SCRG1: variants seen among roughly 807,000 people sequenced by gnomAD.
The protein encoded by SCRG1 is scrapie-responsive protein 1.
A neutral mutation model predicts 7.7 loss-of-function variants in SCRG1; 3 were observed. That is an observed-to-expected ratio of 0.39 (90% CI 0.18 to 1.01). The LOEUF (loss-of-function observed/expected upper bound fraction) is 1.01. Ranked by LOEUF, SCRG1 falls within the 50% of genes least tolerant of loss-of-function variation. The pLI, the probability that SCRG1 is intolerant of heterozygous loss-of-function variation, is 0.36. For missense variants in SCRG1, 110 were observed against 117.2 expected (o/e 0.94, Z 0.28); for synonymous variants, 46 against 41.2 (o/e 1.12, Z -0.44).
the SCRG1 span, among the ~76,000 whole-genome samples, chr4:173,479,435 G>GTTTTTTTTTTT: frequency 3.2e-5 from 4 of 125,930 alleles, no homozygotes; most frequent in African/African-American, 5.7e-5. Flanking sequence ...TTGTTTGTTT[G>GTTTTTTTTTTT]TTTTTTTGTT....
chr4:173,504,742 C>T, the SCRG1 span, among the ~76,000 whole-genome samples: 1 of 152,304 alleles, frequency 6.6e-6, no homozygotes, highest in South Asian at 2.1e-4. The surrounding 1 kb of genome is among the most constrained non-coding windows in gnomAD (Gnocchi z 4.7). Flanking sequence ...GAAAGGTCAA[C>T]ACCATCCTTC....
the SCRG1 span, chr4:173,469,251 T>C: frequency 6.6e-6 from 1 of 152,148 alleles, no homozygotes; most frequent in African/African-American, 2.4e-5. Context: ...GGCAAAGCAA[T>C]TTTTCCCAAT....
At chr4:173,511,502 C>A in the SCRG1 span, among the ~76,000 whole-genome samples, 3 of 151,864 alleles carry the variant, frequency 2.0e-5, no homozygotes, top group Admixed American at 2.0e-4. The surrounding 1 kb of genome is among the most constrained non-coding windows in gnomAD (Gnocchi z 5.2). Flanking sequence ...ATGCCTTTAT[C>A]TTTCTTAAAC....
chr4:173,494,650 A>G, the SCRG1 span, among the ~76,000 whole-genome samples: 2 of 152,308 alleles, frequency 1.3e-5, no homozygotes, highest in Admixed American at 1.3e-4. Flanking sequence ...GGGCACCAGG[A>G]GGGCGAGAAG....
the SCRG1 span, among the ~76,000 whole-genome samples, chr4:173,497,690 A>G: frequency 3.6e-5 from 3 of 83,614 alleles, no homozygotes; most frequent in Non-Finnish European, 7.4e-5. Flanking sequence ...TTTTTTTTTG[A>G]GACGGAGTCT....
At chr4:173,403,483 C>T (rs180911279), upstream of SCRG1, among the ~76,000 whole-genome samples, 21 of 152,168 alleles carry the variant, frequency 1.4e-4, no homozygotes, top group Non-Finnish European at 2.5e-4. Context: ...TGCGCCGCCC[C>T]GGGAATGCTG....
upstream of SCRG1, among the ~76,000 whole-genome samples, chr4:173,400,700 A>G (rs1470187899): frequency 6.6e-6 from 1 of 152,156 alleles, no homozygotes; most frequent in African/African-American, 2.4e-5. Flanking sequence ...TTCCAACCCT[A>G]TGAAGTAGGT....
chr4:173,484,932 T>C, the SCRG1 span, among the ~76,000 whole-genome samples: 10 of 59,528 alleles, frequency 1.7e-4, no homozygotes, highest in African/African-American at 7.1e-4. Context: ...TATTATATAT[T>C]ATATTATATA....
the SCRG1 span, among the ~76,000 whole-genome samples, chr4:173,489,313 A>G: frequency 5.1e-4 from 78 of 152,342 alleles, 1 homozygote; most frequent in African/African-American, 1.7e-3. Context: ...TAAGGTCCAC[A>G]TATTAGCAGA....
At chr4:173,443,349 T>C in the SCRG1 span, among the ~76,000 whole-genome samples, 1 of 152,150 alleles carries the variant, frequency 6.6e-6, no homozygotes, top group South Asian at 2.1e-4. Flanking sequence ...ATGATTAAGG[T>C]TAAAGAAGAC....
chr4:173,390,274 G>A (rs566605211), intron 2 of SCRG1, among the ~76,000 whole-genome samples: 1 of 152,030 alleles, frequency 6.6e-6, no homozygotes, highest in South Asian at 2.1e-4. Context: ...AGTACAAAAC[G>A]ATAGTAGATA....
At chr4:173,430,125 T>G in the SCRG1 span, among the ~76,000 whole-genome samples, 1 of 152,082 alleles carries the variant, frequency 6.6e-6, no homozygotes, top group East Asian at 1.9e-4. Context: ...ATAAAGAACT[T>G]TTGAATTACT....
the SCRG1 span, among the ~76,000 whole-genome samples, chr4:173,417,061 T>TTCACACACAACACAAACACAATCACATCA: frequency 7.1e-6 from 1 of 140,520 alleles, no homozygotes; most frequent in Non-Finnish European, 1.6e-5. Flanking sequence ...CAATCACATC[T>TTCACACACAACACAAACACAATCACATCA]TCACACACAA....
chr4:173,480,797 G>A, the SCRG1 span, among the ~76,000 whole-genome samples: 1 of 151,748 alleles, frequency 6.6e-6, no homozygotes, highest in South Asian at 2.1e-4. Flanking sequence ...AGTACTGGAG[G>A]GTGATTGATT....
chr4:173,419,816 T>A, the SCRG1 span: 156 of 1,447,846 alleles, frequency 1.1e-4, no homozygotes, highest in Non-Finnish European at 1.4e-4. Flanking sequence ...CACTTGGCCT[T>A]CATAGATCTT....
upstream of SCRG1, among the ~76,000 whole-genome samples, chr4:173,409,780 G>C (rs927329265): frequency 1.3e-5 from 2 of 151,766 alleles, no homozygotes; most frequent in African/African-American, 4.8e-5. Context: ...GTAGAGACAG[G>C]GTTTCACCAT....
the SCRG1 span, among the ~76,000 whole-genome samples, chr4:173,447,155 G>T: frequency 6.6e-6 from 1 of 152,164 alleles, no homozygotes; most frequent in African/African-American, 2.4e-5. Context: ...CACGATCAGG[G>T]TGTTAGCATG....
At chr4:173,476,363 A>AAAAATATATATAT in the SCRG1 span, among the ~76,000 whole-genome samples, 1 of 98,482 alleles carries the variant, frequency 1.0e-5, no homozygotes, top group Admixed American at 1.2e-4. Context: ...GGAAAAAAAA[A>AAAAATATATATAT]ATATATATAT....
At chr4:173,438,172 G>T in the SCRG1 span, among the ~76,000 whole-genome samples, 1 of 152,258 alleles carries the variant, frequency 6.6e-6, no homozygotes, top group South Asian at 2.1e-4. Context: ...CTGGAGTGCA[G>T]TGGCATGATC....
Sources: allele counts gnomAD v4.1 joint callset (sites outside exome capture counted in the v4.1 genomes callset), GRCh38; gene constraint gnomAD v4.1.1; non-coding constraint Gnocchi (gnomAD v3.1); transcripts MANE v1.5; gene names NCBI Gene and HGNC (gene_info 2026-07-23, HGNC 2026-07-21).